Variants in MGAT4C observed in about 807,000 individuals in gnomAD.
MGAT4C encodes the protein alpha-1,3-mannosyl-glycoprotein 4-beta-N-acetylglucosaminyltransferase C.
A neutral mutation model predicts 40.1 loss-of-function variants in MGAT4C; 19 were observed. The observed-to-expected ratio is 0.47, with a 90% CI of 0.33 to 0.70. MGAT4C has a LOEUF of 0.70. MGAT4C is among the 30% of genes least tolerant of loss of function. MGAT4C has a pLI of 0.02. For missense variants in MGAT4C, 491 were observed against 563.2 expected (o/e 0.87, Z 1.30); for synonymous variants, 181 against 187.1 (o/e 0.97, Z 0.27).
At chr12:86,545,442 A>T (rs1959188187) in intron 2 of MGAT4C, among the ~76,000 whole-genome samples, 1 of 151,994 alleles carries the variant, frequency 6.6e-6, no homozygotes, top group African/African-American at 2.4e-5. Flanking sequence ...ATATAGGTTG[A>T]ATAATTTTAC....
chr12:86,540,179 A>T (rs936686509), intron 2 of MGAT4C, among the ~76,000 whole-genome samples: 2 of 152,204 alleles, frequency 1.3e-5, no homozygotes, highest in African/African-American at 4.8e-5. Context: ...CCTTTAATCC[A>T]TCTTGATTAA....
At chr12:86,269,076 T>C (rs1188914448) in intron 4 of MGAT4C, among the ~76,000 whole-genome samples, 1 of 141,276 alleles carries the variant, frequency 7.1e-6, no homozygotes, top group Non-Finnish European at 1.5e-5. Flanking sequence ...TTCTTTTAAT[T>C]CTCACACTAT....
At chr12:86,747,839 A>C (rs528455207) in intron 1 of MGAT4C, among the ~76,000 whole-genome samples, 1 of 151,540 alleles carries the variant, frequency 6.6e-6, no homozygotes, top group East Asian at 2.0e-4. Context: ...GATAGACCTG[A>C]GTTGTGCGTA....
chr12:86,655,059 T>C (rs895072798), intron 2 of MGAT4C, among the ~76,000 whole-genome samples: 15 of 152,040 alleles, frequency 9.9e-5, no homozygotes, highest in Admixed American at 2.6e-4. Context: ...TTTTATACTT[T>C]AAGTTCTAGG....
At chr12:86,602,714 G>T (rs1162439143) in intron 2 of MGAT4C, among the ~76,000 whole-genome samples, 7 of 152,128 alleles carry the variant, frequency 4.6e-5, no homozygotes, top group African/African-American at 1.7e-4. Context: ...TTGTTCAAGA[G>T]ATGTAATTAT....
intron 2 of MGAT4C, among the ~76,000 whole-genome samples, chr12:86,488,784 A>G (rs1958073998): frequency 6.6e-6 from 1 of 152,198 alleles, no homozygotes; most frequent in South Asian, 2.1e-4. Context: ...ATATGATTGA[A>G]GTTCTATTAG....
At chr12:86,397,082 TATTG>T (rs1956276029) in intron 3 of MGAT4C, among the ~76,000 whole-genome samples, 1 of 152,144 alleles carries the variant, frequency 6.6e-6, no homozygotes, top group South Asian at 2.1e-4. Context: ...TTTATTATTA[TATTG>T]ATTATTATGC....
intron 1 of MGAT4C, among the ~76,000 whole-genome samples, chr12:86,121,129 T>C (rs149331499): frequency 1.1e-4 from 17 of 152,130 alleles, no homozygotes; most frequent in African/African-American, 4.1e-4. Flanking sequence ...TTCAATCAAA[T>C]GGAAGAAAGA....
At chr12:86,251,659 T>A (rs543206114) in intron 1 of MGAT4C, among the ~76,000 whole-genome samples, 1 of 152,126 alleles carries the variant, frequency 6.6e-6, no homozygotes, top group Non-Finnish European at 1.5e-5. Context: ...CTCAGCTCCA[T>A]ATTTTATCTG....
chr12:86,086,129 T>C (rs1871783804), intron 1 of MGAT4C, among the ~76,000 whole-genome samples: 1 of 152,140 alleles, frequency 6.6e-6, no homozygotes, highest in Non-Finnish European at 1.5e-5. Context: ...AGCAAAGACT[T>C]GGACCCAACC....
chr12:86,114,719 T>C (rs1185627458), intron 1 of MGAT4C, among the ~76,000 whole-genome samples: 2 of 151,888 alleles, frequency 1.3e-5, no homozygotes, highest in Admixed American at 6.6e-5. Flanking sequence ...TAATTGATAT[T>C]AGATAGCTGA....
At chr12:86,681,457 C>A (rs1366108545) in intron 2 of MGAT4C, among the ~76,000 whole-genome samples, 1 of 151,734 alleles carries the variant, frequency 6.6e-6, no homozygotes, top group African/African-American at 2.4e-5. Context: ...ATCAGATTTT[C>A]TTTTAATTAT....
chr12:86,142,244 A>G (rs1361374514), intron 1 of MGAT4C, among the ~76,000 whole-genome samples: 1 of 152,180 alleles, frequency 6.6e-6, no homozygotes, highest in Non-Finnish European at 1.5e-5. Flanking sequence ...GTGAAGAGAG[A>G]AAGTGAGGCC....
At chr12:86,397,686 C>A (rs1187173218) in intron 3 of MGAT4C, among the ~76,000 whole-genome samples, 1 of 152,060 alleles carries the variant, frequency 6.6e-6, no homozygotes, top group Admixed American at 6.5e-5. Context: ...TCAGGCCAGG[C>A]ATTTTGGCTC....
chr12:86,778,421 T>A (rs77755414), intron 1 of MGAT4C, among the ~76,000 whole-genome samples: 3,015 of 152,272 alleles, frequency 0.02, 42 homozygotes, highest in Middle Eastern at 0.037. Context: ...TACAAAAATC[T>A]ATCTGTACAT....
chr12:86,698,503 G>T (rs1950299962), intron 2 of MGAT4C, among the ~76,000 whole-genome samples: 2 of 151,934 alleles, frequency 1.3e-5, no homozygotes, highest in African/African-American at 2.4e-5. Flanking sequence ...TGGAGGGCAG[G>T]CAATGTAATG....
intron 2 of MGAT4C, among the ~76,000 whole-genome samples, chr12:86,587,468 T>C (rs2136442723): frequency 6.6e-6 from 1 of 152,164 alleles, no homozygotes; most frequent in South Asian, 2.1e-4. Context: ...TTAAAGTTGT[T>C]TTTTCCAATT....
In MGAT4C at chr12:85,972,227, A is replaced by G. The variant is rs984910918; in HGVS notation, c.*7062T>C. 1 of 151,150 alleles carries G rather than the reference A, an allele frequency of 6.6e-6. No homozygotes were observed. Among genetic ancestry groups the G allele is most frequent in the African/African-American group, 2.4e-5 (1 of 41,362 alleles). The allele number at this position is 151,150 out of a possible 1,614,324, so 9.4% of individuals were successfully genotyped here. ...CATGCAACAGAAAATGTGTCTAATTATGTTTGTTTTAGAGCTTAAGAAATG... is the reference window on the plus strand; with the variant it reads ...CATGCAACAGAAAATGTGTCTAATTGTGTTTGTTTTAGAGCTTAAGAAATG... On this transcript the variant is annotated 3_prime_UTR_variant, in exon 5 of 5. Coordinates refer to ENST00000611864, the MANE Select transcript of MGAT4C (RefSeq NM_001351288.2).
chr12:86,140,833 T>C (rs1241710971), intron 1 of MGAT4C, among the ~76,000 whole-genome samples: 3 of 152,152 alleles, frequency 2.0e-5, no homozygotes, highest in Non-Finnish European at 2.9e-5. Context: ...CCTCAACACA[T>C]ACACAGTATA....
Sources: allele counts gnomAD v4.1 joint callset (sites outside exome capture counted in the v4.1 genomes callset), GRCh38; gene constraint gnomAD v4.1.1; transcripts MANE v1.5; gene names NCBI Gene and HGNC (gene_info 2026-07-23, HGNC 2026-07-21).